The following SCRT2 variants were observed in gnomAD, a reference collection of about 807,000 sequenced individuals.
SCRT2 encodes the protein transcriptional repressor scratch 2.
In SCRT2, 2 loss-of-function variants were observed where a neutral mutation model predicts 3.7. That is an observed-to-expected ratio of 0.54 (90% confidence interval 0.22 to 1.70). SCRT2 has a LOEUF of 1.70. SCRT2 is among the 40% of genes most tolerant of loss of function. SCRT2 has a pLI of 0.19. For synonymous variants in SCRT2, 256 were observed against 220.6 expected (o/e 1.16, Z -1.42); for missense variants, 456 against 468.5 (o/e 0.97, Z 0.25).
chr20:663,352 A>C lies in SCRT2; in HGVS notation c.*319T>G, dbSNP rs1030215608. Reference sequence around the variant, plus strand: ...AGCAGCGCGGGGTCTGGGAGGGAGAAATTTCCGGCTCTGGGGCGCGGGAGA... The same window carrying C: ...AGCAGCGCGGGGTCTGGGAGGGAGACATTTCCGGCTCTGGGGCGCGGGAGA... On this transcript the variant is annotated 3_prime_UTR_variant, in exon 2 of 2. Coordinates refer to ENST00000246104, the MANE Select transcript of SCRT2 (RefSeq NM_033129.4). The surrounding 1 kb of genome is among the most constrained non-coding windows in gnomAD (Gnocchi z 6.9). 1 of 325,818 alleles carries C rather than the reference A, an allele frequency of 3.1e-6. No homozygotes were observed. Among genetic ancestry groups the C allele is most frequent in the Non-Finnish European group, 5.6e-6 (1 of 180,052 alleles). The allele number at this position is 325,818 out of a possible 1,614,324, so 20.2% of individuals were successfully genotyped here.
At chr20:673,007 C>T (rs1484462989) in intron 1 of SCRT2, among the ~76,000 whole-genome samples, 1 of 152,040 alleles carries the variant, frequency 6.6e-6, no homozygotes, top group South Asian at 2.1e-4. Flanking sequence ...CCAGTCTGGC[C>T]GCACCCCAGG....
rs1367181752 is a variant in SCRT2, at chr20:663,832, G to T, written c.763C>A (p.Leu255Met). The change falls in exon 2 of 2, where the codon CTG becomes ATG. Residue 255 changes from leucine to methionine, a missense_variant. Physicochemically the swap from Leu to Met is conservative, Grantham distance 15. Transcript: ENST00000246104. The surrounding 1 kb of genome is among the most constrained non-coding windows in gnomAD (Gnocchi z 6.9). The stretch of plus-strand genomic sequence containing the variant: ...GAGTGCGTCTGCATGTGCGCGCGCA[G>T]GTTGGAGCGGTCGGCGAAGGCCTTG... The part of the protein sequence containing the change: ...CGKAFADRSN[L>M]RAHMQTHSAF... The T allele has an allele frequency of 4.4e-6, 7 of 1,598,100 alleles. No homozygotes were observed. The highest frequency in any genetic ancestry group is 5.1e-6 in the Non-Finnish European group (6 of 1,174,558).
rs767324211 is a variant in SCRT2, at chr20:664,370, C to T, written c.225G>A (p.Pro75=). Reference sequence around the variant, plus strand: ...GGTCGCTGTACTCCTCCGGCGCCGCCGGCGGGTACGCGGGCTCGGCCGGGG... The same window carrying T: ...GGTCGCTGTACTCCTCCGGCGCCGCTGGCGGGTACGCGGGCTCGGCCGGGG... ...ELAPAEPAYP[P]AAPEEYSDPE... Residue 75 remains proline (P), a synonymous_variant, in exon 2 of 2, where the codon CCG becomes CCA. Transcript: ENST00000246104. This position sits in a 1 kb window ranked among gnomAD's most constrained non-coding sequence, Gnocchi z 7.9. 9 of 1,441,418 alleles carry T rather than the reference C, an allele frequency of 6.2e-6. No homozygotes were observed. The highest frequency in any genetic ancestry group is 1.9e-4 in the Middle Eastern group (1 of 5,250). 89.3% of individuals were successfully genotyped at this position (1,441,418 alleles called of 1,614,324 possible). A position where few individuals can be genotyped will look rare whatever the true frequency, so the allele number is the denominator to read the frequency against.
In SCRT2 at chr20:666,914, C is replaced by CT. The variant is rs967170119; in HGVS notation, c.134-2454dup. Among the ~76,000 whole-genome samples the CT allele has an allele frequency of 3.3e-5, 5 of 151,478 alleles. No individual in the cohort carries two copies. Among genetic ancestry groups the CT allele is most frequent in the African/African-American group, 7.3e-5 (3 of 41,192 alleles). On this transcript the variant is annotated intron_variant, in intron 1 of 1. Coordinates refer to ENST00000246104, the MANE Select transcript of SCRT2 (RefSeq NM_033129.4). This position sits in a 1 kb window ranked among gnomAD's most constrained non-coding sequence, Gnocchi z 4.4. ...CTTTGGGTGGGTTGTGCTTCAGGTCCTTTTTTTTTAAAATGGGATTTATCT... is the reference window on the plus strand; with the variant it reads ...CTTTGGGTGGGTTGTGCTTCAGGTCCTTTTTTTTTTAAAATGGGATTTATCT...
In SCRT2 at chr20:664,062, C is replaced by G; in HGVS notation, c.533G>C (p.Arg178Pro). The change falls in exon 2 of 2, where the codon CGC becomes CCC. Residue 178 changes from arginine (R) to proline (P), a missense_variant. Physicochemically the swap from Arg to Pro is moderately radical, Grantham distance 103. Coordinates refer to ENST00000246104, the MANE Select transcript of SCRT2 (RefSeq NM_033129.4). This position sits in a 1 kb window ranked among gnomAD's most constrained non-coding sequence, Gnocchi z 7.9. ...GCGCGCCAGCTGGCTGTCCAGGCTG[C>G]GGTGCGTCTGCTTGTGGCGGCTCAG... Reference protein sequence around the residue: ...SNLSRHKQTHRSLDSQLARKC... With the variant: ...SNLSRHKQTHPSLDSQLARKC... 1 of 1,611,422 alleles carries G rather than the reference C, an allele frequency of 6.2e-7. No individual in the cohort carries two copies. Among genetic ancestry groups the G allele is most frequent in the Non-Finnish European group, 8.5e-7 (1 of 1,179,494 alleles).
rs1373411903 is a variant in SCRT2 at position 663,974 on chromosome 20, C to A, written c.621G>T (p.Thr207=). 6.2e-7 allele frequency: 1 copy of A among 1,610,638 alleles called. No individual in the cohort carries two copies. The highest frequency in any genetic ancestry group is 1.7e-5 in the Admixed American group (1 of 59,962). ...CGCCGCACTTGTGGCGCAGGTTGTGCGTGAGCAGGTGCATGGCGAGCGCGG... is the reference window on the plus strand; with the variant it reads ...CGCCGCACTTGTGGCGCAGGTTGTGAGTGAGCAGGTGCATGGCGAGCGCGG... The part of the protein sequence containing the change: ...SMPALAMHLL[T]HNLRHKCGVC... The change falls in exon 2 of 2, where the codon ACG becomes ACT. Residue 207 remains threonine (T), a synonymous_variant. Transcript: ENST00000246104. The surrounding 1 kb of genome is among the most constrained non-coding windows in gnomAD (Gnocchi z 6.9).
Position 665,007 on chromosome 20 carries a change from T to C in SCRT2, c.134-546A>G, listed in dbSNP as rs1375238031. ...CTGAGTAAAGTGACGATAATAAGCGTGTGTTAAGCTCTTACTGTTTGCCAG... is the reference window on the plus strand; with the variant it reads ...CTGAGTAAAGTGACGATAATAAGCGCGTGTTAAGCTCTTACTGTTTGCCAG... On this transcript the variant is annotated intron_variant, in intron 1 of 1. Transcript: ENST00000246104. The surrounding 1 kb of genome is among the most constrained non-coding windows in gnomAD (Gnocchi z 5.0). 1.3e-5 allele frequency among the ~76,000 whole-genome samples: 2 copies of C among 152,160 alleles called. No homozygotes were observed. Among genetic ancestry groups the C allele is most frequent in the Non-Finnish European group, 2.9e-5 (2 of 68,034 alleles).
chr20:674,397 TCTCACACA>T (rs1254486100), intron 1 of SCRT2, among the ~76,000 whole-genome samples: 126 of 96,158 alleles, frequency 1.3e-3, no homozygotes, highest in South Asian at 0.011. Context: ...TCTCTCTCTC[TCTCACACA>T]CACACACACA....
In SCRT2 at chr20:665,093, A is replaced by G. The variant is rs1984114706; in HGVS notation, c.134-632T>C. Among the ~76,000 whole-genome samples the G allele has an allele frequency of 6.7e-6, 1 of 149,684 alleles. No individual in the cohort carries two copies. Among genetic ancestry groups the G allele is most frequent in the East Asian group, 1.9e-4 (1 of 5,198 alleles). On this transcript the variant is annotated intron_variant, in intron 1 of 1. Coordinates refer to ENST00000246104, the MANE Select transcript of SCRT2 (RefSeq NM_033129.4). This position sits in a 1 kb window ranked among gnomAD's most constrained non-coding sequence, Gnocchi z 5.0. ...TCGTCACAGACCCAAGGAAGTCGGC[A>G]CTATTGTAATCCCCATTTGATGTGT...
In SCRT2 at chr20:675,794, G is replaced by C. The variant is rs973360708; in HGVS notation, c.-193C>G. On this transcript the variant is annotated 5_prime_UTR_variant, in exon 1 of 2. Coordinates refer to ENST00000246104, the MANE Select transcript of SCRT2 (RefSeq NM_033129.4). The surrounding 1 kb of genome is among the most constrained non-coding windows in gnomAD (Gnocchi z 6.9). Reference sequence around the variant, plus strand: ...CGGCGGCGCGCAGACAGGGGATCGCGGGAGCTGCGCTCAGCACTCCGGCTG... The same window carrying C: ...CGGCGGCGCGCAGACAGGGGATCGCCGGAGCTGCGCTCAGCACTCCGGCTG... 4.5e-6 allele frequency: 1 copy of C among 222,650 alleles called. No homozygotes were observed. The highest frequency in any genetic ancestry group is 8.6e-6 in the Non-Finnish European group (1 of 116,828). The allele number at this position is 222,650 out of a possible 1,614,324, so 13.8% of individuals were successfully genotyped here.
rs749136861 is a variant in SCRT2, at chr20:663,729, G to A, written c.866C>T (p.Ala289Val). The A allele has an allele frequency of 1.7e-5, 26 of 1,548,404 alleles. No individual in the cohort carries two copies. In the Admixed American group the frequency reaches 2.5e-4, roughly 15 times the overall value. The stretch of plus-strand genomic sequence containing the variant: ...TGGCTCGGCCGCCTTGGCGCAGGCC[G>A]CCTCGCAGTGCTTGTGGAGGTAGGA... ...LKSYLHKHCE[A>V]ACAKAAEPPP... Residue 289 changes from alanine (A) to valine (V), a missense_variant, in exon 2 of 2, where the codon GCG becomes GTG. Transcript: ENST00000246104. This position sits in a 1 kb window ranked among gnomAD's most constrained non-coding sequence, Gnocchi z 6.9.
At chr20:673,012 C>T (rs1599925440) in intron 1 of SCRT2, among the ~76,000 whole-genome samples, 2 of 152,162 alleles carry the variant, frequency 1.3e-5, no homozygotes, top group South Asian at 2.1e-4. Flanking sequence ...CTGGCCGCAC[C>T]CCAGGGAGGG....
In SCRT2 at chr20:666,378, C is replaced by T. The variant is rs942179995; in HGVS notation, c.134-1917G>A. 2.6e-5 allele frequency among the ~76,000 whole-genome samples: 4 copies of T among 152,074 alleles called. No individual in the cohort carries two copies. Among genetic ancestry groups the T allele is most frequent in the Non-Finnish European group, 5.9e-5 (4 of 68,020 alleles). On this transcript the variant is annotated intron_variant, in intron 1 of 1. Coordinates refer to ENST00000246104, the MANE Select transcript of SCRT2 (RefSeq NM_033129.4). The surrounding 1 kb of genome is among the most constrained non-coding windows in gnomAD (Gnocchi z 4.4). ...TGAGTTAAATACCCGTCAGGCACTC[C>T]CAGACCCCCCTCCTTCTCCTTCTGT...
rs377277303 is a variant in SCRT2, at chr20:663,860, G to A, written c.735C>T (p.Cys245=). 39 of 1,597,006 alleles carry A rather than the reference G, an allele frequency of 2.4e-5. No homozygotes were observed. The Middle Eastern group carries it at 9.9e-4, about 41-fold the overall frequency. The change falls in exon 2 of 2, where the codon TGC becomes TGT. Residue 245 remains cysteine (C), a synonymous_variant. Transcript: ENST00000246104. This position sits in a 1 kb window ranked among gnomAD's most constrained non-coding sequence, Gnocchi z 6.9. Reference sequence around the variant, plus strand: ...TGGAGCGGTCGGCGAAGGCCTTGCCGCAGTGCGCGCAGCCGAACGGCTTTT... The same window carrying A: ...TGGAGCGGTCGGCGAAGGCCTTGCCACAGTGCGCGCAGCCGAACGGCTTTT... ...TGEKPFGCAH[C]GKAFADRSNL...
intron 1 of SCRT2, among the ~76,000 whole-genome samples, chr20:672,290 T>C (rs2010180): frequency 0.18 from 27,688 of 152,008 alleles, 2,705 homozygotes; most frequent in African/African-American, 0.24. Flanking sequence ...TTCTGTGGGC[T>C]TGGGGGGACC....
chr20:673,287 T>C (rs919492071), intron 1 of SCRT2, among the ~76,000 whole-genome samples: 2 of 152,256 alleles, frequency 1.3e-5, no homozygotes, highest in Non-Finnish European at 2.9e-5. Flanking sequence ...GTTAGACCCC[T>C]GTGCAGGCAT....
At chr20:674,543 G>A (rs1984458938) in intron 1 of SCRT2, among the ~76,000 whole-genome samples, 1 of 152,166 alleles carries the variant, frequency 6.6e-6, no homozygotes, top group African/African-American at 2.4e-5. Flanking sequence ...GAACCCCTTT[G>A]TGATCCCCTT....
At position 663,623 on chromosome 20, in the gene SCRT2, C is replaced by A; in HGVS notation, c.*48G>T. ...GCGCTGCGGGCGCAGGTAGGGGGCCCGGGGCGCGTGGAGAGCGAGTTCCGG... is the reference window on the plus strand; with the variant it reads ...GCGCTGCGGGCGCAGGTAGGGGGCCAGGGGCGCGTGGAGAGCGAGTTCCGG... On this transcript the variant is annotated 3_prime_UTR_variant, in exon 2 of 2. Coordinates refer to ENST00000246104, the MANE Select transcript of SCRT2 (RefSeq NM_033129.4). The surrounding 1 kb of genome is among the most constrained non-coding windows in gnomAD (Gnocchi z 6.9). 1 of 1,332,000 alleles carries A rather than the reference C, an allele frequency of 7.5e-7. No homozygotes were observed. Among genetic ancestry groups the A allele is most frequent in the Non-Finnish European group, 9.5e-7 (1 of 1,047,980 alleles). The allele number at this position is 1,332,000 out of a possible 1,614,324, so 82.5% of individuals were successfully genotyped here.
Position 664,159 on chromosome 20 carries a change from C to T in SCRT2, c.436G>A (p.Gly146Arg), listed in dbSNP as rs748778789. 91 of 1,070,372 alleles carry T rather than the reference C, an allele frequency of 8.5e-5. No individual in the cohort carries two copies. Among genetic ancestry groups the T allele is most frequent in the Non-Finnish European group, 1.0e-4 (89 of 885,734 alleles). 66.3% of individuals were successfully genotyped at this position (1,070,372 alleles called of 1,614,324 possible). Residue 146 changes from glycine to arginine, a missense_variant, in exon 2 of 2, where the codon GGG becomes AGG. Physicochemically the swap from Gly to Arg is moderately radical, Grantham distance 125. Around this residue, in one of 3 missense-constraint regions of SCRT2, gnomAD observed 306 missense variants for 305.3 expected, o/e 1.00. Transcript: ENST00000246104. The surrounding 1 kb of genome is among the most constrained non-coding windows in gnomAD (Gnocchi z 7.9). ...GGAGGRAGRA[G>R]AQAGGGHRHA... Reference sequence around the variant, plus strand: ...CGGTGCCCGCCGCCCGCCTGCGCCCCCGCGCGCCCCGCGCGCCCCCCGGCG... The same window carrying T: ...CGGTGCCCGCCGCCCGCCTGCGCCCTCGCGCGCCCCGCGCGCCCCCCGGCG...
Sources: gnomAD v4.1 joint callset for allele counts (sites outside exome capture counted in the v4.1 genomes callset) on GRCh38, gnomAD v4.1.1 for gene constraint, gnomAD v4.1.1 regional missense constraint, Gnocchi (gnomAD v3.1) non-coding constraint, MANE v1.5 for transcripts, NCBI Gene and HGNC (gene_info 2026-07-23, HGNC 2026-07-21) for gene names.